ELAVL2: variants seen among roughly 807,000 people sequenced by gnomAD.
The protein encoded by ELAVL2 is ELAV-like protein 2.
Under a neutral mutation model 34.6 loss-of-function variants are expected in ELAVL2, and 4 were observed. That is an observed-to-expected ratio of 0.12 (90% CI 0.06 to 0.26). The LOEUF is 0.26. ELAVL2 is among the 10% of genes least tolerant of loss of function. The probability of loss-of-function intolerance (pLI) is 1.00; values close to 1 mark genes in which losing one functional copy is unlikely to be tolerated. For missense variants in ELAVL2, 432 were observed against 442.8 expected (o/e 0.98, Z 0.22); for synonymous variants, 193 against 154.8 (o/e 1.25, Z -1.83).
chr9:23,789,647 T>C (rs986222111), intron 1 of ELAVL2, among the ~76,000 whole-genome samples: 1 of 152,184 alleles, frequency 6.6e-6, no homozygotes, highest in Non-Finnish European at 1.5e-5. Context: ...AGCAGGGTAA[T>C]CTTTTAGCTA....
chr9:23,718,601 A>G (rs915973545), intron 3 of ELAVL2, among the ~76,000 whole-genome samples: 15 of 152,222 alleles, frequency 9.9e-5, no homozygotes, highest in African/African-American at 3.4e-4. Context: ...AGGAAAAAGA[A>G]TAACAGAAAT....
intron 1 of ELAVL2, among the ~76,000 whole-genome samples, chr9:23,788,763 G>A (rs891000105): frequency 3.9e-5 from 6 of 152,100 alleles, no homozygotes; most frequent in African/African-American, 1.2e-4. Context: ...GCAATACCTC[G>A]AAAGTCAATC....
At chr9:23,770,626 C>G (rs2057134153) in intron 1 of ELAVL2, among the ~76,000 whole-genome samples, 1 of 151,966 alleles carries the variant, frequency 6.6e-6, no homozygotes, top group Non-Finnish European at 1.5e-5. Flanking sequence ...GGCCACCAGC[C>G]AAGGAATATA....
intron 3 of ELAVL2, among the ~76,000 whole-genome samples, chr9:23,710,699 C>A (rs1483783213): frequency 6.6e-6 from 1 of 152,052 alleles, no homozygotes; most frequent in East Asian, 1.9e-4. Flanking sequence ...CACAGTTATG[C>A]CTATTTAAAC....
intron 1 of ELAVL2, among the ~76,000 whole-genome samples, chr9:23,793,014 C>T (rs766894848): frequency 6.6e-6 from 1 of 152,078 alleles, no homozygotes; most frequent in Non-Finnish European, 1.5e-5. Flanking sequence ...TGGCCTCAAG[C>T]AATCCCTCCC....
chr9:23,839,328 G>A, the ELAVL2 span, among the ~76,000 whole-genome samples: 3 of 151,582 alleles, frequency 2.0e-5, no homozygotes, highest in East Asian at 1.9e-4. Flanking sequence ...ATAAAGTGCC[G>A]CTGCCCTCAC....
chr9:23,819,771 A>T (rs2064267401), intron 1 of ELAVL2, among the ~76,000 whole-genome samples: 1 of 152,234 alleles, frequency 6.6e-6, no homozygotes, highest in African/African-American at 2.4e-5. Context: ...ACAAAGGAGG[A>T]ATCACAGAAA....
intron 2 of ELAVL2, among the ~76,000 whole-genome samples, chr9:23,754,967 C>T (rs538232838): frequency 2.0e-5 from 3 of 152,112 alleles, no homozygotes; most frequent in African/African-American, 4.8e-5. Flanking sequence ...TCTGTATAAA[C>T]CAACCTTGTT....
rs557011983 is a variant in ELAVL2, at chr9:23,786,228, A to C, written c.-15-23979T>G. Among the ~76,000 whole-genome samples the C allele has an allele frequency of 7.5e-4, 115 of 152,346 alleles. 1 individual carries two copies. The highest frequency in any genetic ancestry group is 3.4e-3 in the Middle Eastern group (1 of 294). Reference sequence around the variant, plus strand: ...AGAAAAGCTGTTTAACATACCAGGAAAGTCAAGGAGAACTTTAAAAAAATT... The same window carrying C: ...AGAAAAGCTGTTTAACATACCAGGACAGTCAAGGAGAACTTTAAAAAAATT... On this transcript the variant is annotated intron_variant, in intron 1 of 6. Transcript: ENST00000397312.
chr9:23,843,313 C>T, the ELAVL2 span, among the ~76,000 whole-genome samples: 68 of 152,028 alleles, frequency 4.5e-4, no homozygotes, highest in African/African-American at 1.5e-3. Context: ...AAATTGTTGC[C>T]AGGAGAGAAT....
intron 2 of ELAVL2, among the ~76,000 whole-genome samples, chr9:23,748,880 T>G (rs1250256383): frequency 6.6e-6 from 1 of 152,160 alleles, no homozygotes; most frequent in African/African-American, 2.4e-5. Context: ...AATACTTTGG[T>G]ATATCAAATG....
chr9:23,846,205 C>G, the ELAVL2 span, among the ~76,000 whole-genome samples: 1 of 151,738 alleles, frequency 6.6e-6, no homozygotes, highest in Admixed American at 6.6e-5. Flanking sequence ...TATAGTAGGG[C>G]CCTATTTAAA....
intron 1 of ELAVL2, among the ~76,000 whole-genome samples, chr9:23,809,589 A>G (rs1488638703): frequency 1.3e-5 from 2 of 152,192 alleles, no homozygotes; most frequent in Non-Finnish European, 2.9e-5. Context: ...ACATATGCAA[A>G]TAATTTTCAA....
intron 3 of ELAVL2, among the ~76,000 whole-genome samples, chr9:23,711,822 C>G (rs1382872431): frequency 6.6e-6 from 1 of 152,166 alleles, no homozygotes; most frequent in Admixed American, 6.5e-5. Context: ...CTGGTAACTA[C>G]CACACACTCA....
intron 3 of ELAVL2, among the ~76,000 whole-genome samples, chr9:23,722,248 C>G (rs1264068770): frequency 6.6e-6 from 1 of 152,226 alleles, no homozygotes; most frequent in Non-Finnish European, 1.5e-5. Flanking sequence ...AACCTTTAAA[C>G]TAGCATCTAC....
intron 3 of ELAVL2, 65 bp from the exon 4 acceptor site, chr9:23,705,136 C>CA (rs1366370499): frequency 1.3e-6 from 2 of 1,581,446 alleles, no homozygotes; most frequent in Non-Finnish European, 1.7e-6. Context: ...TTTAGAAACT[C>CA]AAAAACTGCC....
intron 1 of ELAVL2, among the ~76,000 whole-genome samples, chr9:23,820,888 A>G (rs1285169105): frequency 6.6e-6 from 1 of 152,064 alleles, no homozygotes; most frequent in Non-Finnish European, 1.5e-5. Flanking sequence ...CGCAAACCCG[A>G]GATGTGACCG....
Position 23,692,833 on chromosome 9 carries a change from G to C in ELAVL2, c.804C>G (p.Ile268Met). Residue 268 changes from isoleucine (I) to methionine (M), a missense_variant, in exon 7 of 7, where the codon ATC (isoleucine) becomes ATG (methionine). Ile to Met is a conservative substitution (Grantham distance 10). This residue lies in a region of ELAVL2 where 295 missense variants were observed against 306.1 expected (regional missense o/e 0.96). Transcript: ENST00000397312. The part of the protein sequence containing the change: ...DGMTSLAGIN[I>M]PGHPGTGWCI... ...ACCACCCTGTTCCAGGGTGCCCAGG[G>C]ATATTAATTCCAGCCAAACTGGTCA... 2 of 1,614,078 alleles carry C rather than the reference G, an allele frequency of 1.2e-6. No individual in the cohort carries two copies. Among genetic ancestry groups the C allele is most frequent in the Non-Finnish European group, 1.7e-6 (2 of 1,179,992 alleles).
intron 1 of ELAVL2, among the ~76,000 whole-genome samples, chr9:23,763,103 A>G (rs1228637630): frequency 6.6e-6 from 1 of 152,138 alleles, no homozygotes; most frequent in Non-Finnish European, 1.5e-5. Context: ...AATGAAAACA[A>G]CAATGTAAAT....
Sources: allele counts gnomAD v4.1 joint callset (sites outside exome capture counted in the v4.1 genomes callset), GRCh38; gene constraint gnomAD v4.1.1; regional missense constraint gnomAD v4.1.1; transcripts MANE v1.5; gene names NCBI Gene and HGNC (gene_info 2026-07-23, HGNC 2026-07-21).